The following COLGALT1 variants were observed in gnomAD, a reference collection of about 807,000 sequenced individuals.
COLGALT1 encodes collagen beta(1-O)galactosyltransferase 1.
COLGALT1 carries 43 observed loss-of-function variants against 60.8 expected under a neutral mutation model. That is an observed-to-expected ratio of 0.71 (90% CI 0.55 to 0.91). The LOEUF is 0.91. COLGALT1 is among the 40% of genes least tolerant of loss of function. The probability of loss-of-function intolerance (pLI) is 0.00; values close to 1 mark genes in which losing one functional copy is unlikely to be tolerated. For missense variants in COLGALT1, 845 were observed against 880.0 expected, an observed-to-expected ratio of 0.96 and a Z score of 0.50; for synonymous variants, 369 against 374.2, an observed-to-expected ratio of 0.99 and a Z score of 0.16.
rs944782088 is a variant in COLGALT1 at position 17,581,373 on chromosome 19, C to T, written c.1798C>T (p.Leu600=). The change falls in exon 12 of 12, where the codon CTG becomes TTG. Residue 600 remains leucine (L), a synonymous_variant. Coordinates refer to ENST00000252599, the MANE Select transcript of COLGALT1 (RefSeq NM_024656.4). ...CCAGAAGATGCGGGAGCAGCAGGCA[C>T]TGAGCCGTGAGGCCAAGAACTCGGA... is the stretch of plus-strand genomic sequence containing the variant. The part of the protein sequence containing the change: ...KSQKMREQQA[L]SREAKNSDVL... 3.1e-6 allele frequency: 5 copies of T among 1,613,114 alleles called. No homozygotes were observed. In the African/African-American group the frequency reaches 4.0e-5, roughly 13 times the overall value.
In COLGALT1 at chr19:17,555,984, C is replaced by A; in HGVS notation, c.260+11C>A. On this transcript the variant is annotated intron_variant, in intron 1 of 11. Transcript: ENST00000252599. ...GCGCACGGCGCTATGGTGAGTCGAG[C>A]CCGCTGTCCCCATCAGGCGGGTCAC... is the stretch of plus-strand genomic sequence containing the variant. 2.3e-6 allele frequency: 3 copies of A among 1,316,954 alleles called. No individual in the cohort carries two copies. The highest frequency in any genetic ancestry group is 2.9e-6 in the Non-Finnish European group (3 of 1,030,116). The allele number at this position is 1,316,954 out of a possible 1,614,324, so 81.6% of individuals were successfully genotyped here. A position where few individuals can be genotyped will look rare whatever the true frequency, so the allele number is the denominator to read the frequency against.
chr19:17,576,701 T>C (rs1416975037), intron 6 of COLGALT1, among the ~76,000 whole-genome samples: 2 of 119,434 alleles, frequency 1.7e-5, no homozygotes, highest in South Asian at 2.9e-4. Context: ...CAGGGTGAAG[T>C]TGGAGCCTGG....
Position 17,581,164 on chromosome 19 carries a change from C to T in COLGALT1, c.1602-13C>T. The T allele has an allele frequency of 1.2e-6, 2 of 1,602,632 alleles. No homozygotes were observed. Among genetic ancestry groups the T allele is most frequent in the Non-Finnish European group, 1.7e-6 (2 of 1,175,518 alleles). On this transcript the variant is annotated splice_polypyrimidine_tract_variant and intron_variant, in intron 11 of 11. Transcript: ENST00000252599. ...GCCATTGCTGCCCCTCACTCCCCTC[C>T]TCCTCCCCCCAGGTCCGAGTACAAG...
At chr19:17,571,563 C>T (rs2076312821) in intron 5 of COLGALT1, among the ~76,000 whole-genome samples, 1 of 151,620 alleles carries the variant, frequency 6.6e-6, no homozygotes, top group Admixed American at 6.6e-5. Context: ...AAAAAAAATA[C>T]AGAAATTAGC....
At chr19:17,558,000 C>T (rs1301788111) in intron 1 of COLGALT1, among the ~76,000 whole-genome samples, 5 of 152,044 alleles carry the variant, frequency 3.3e-5, no homozygotes, top group African/African-American at 4.8e-5. Flanking sequence ...TGCAGTGGCA[C>T]GATCTCGGCT....
At chr19:17,561,565 A>AT (rs1278420839) in intron 3 of COLGALT1, among the ~76,000 whole-genome samples, 1 of 119,376 alleles carries the variant, frequency 8.4e-6, no homozygotes, top group Non-Finnish European at 1.6e-5. Flanking sequence ...GAGTCTTTTT[A>AT]TTTTTTTCTC....
chr19:17,575,675 G>A (rs557207925), intron 6 of COLGALT1, among the ~76,000 whole-genome samples: 6 of 151,452 alleles, frequency 4.0e-5, no homozygotes, highest in South Asian at 2.1e-4. Context: ...CACTGTGCCC[G>A]GCCTTCTTTT....
chr19:17,556,845 C>A (rs916540095), intron 1 of COLGALT1, among the ~76,000 whole-genome samples: 2 of 152,086 alleles, frequency 1.3e-5, no homozygotes, highest in Non-Finnish European at 1.5e-5. Flanking sequence ...CCCAGGAGTT[C>A]GAGGCTGCAG....
At chr19:17,574,036 C>T (rs141948725) in intron 6 of COLGALT1, among the ~76,000 whole-genome samples, 3 of 152,004 alleles carry the variant, frequency 2.0e-5, no homozygotes, top group Admixed American at 6.6e-5. Context: ...AACCAGCAGC[C>T]GTCCCTCTAA....
intron 6 of COLGALT1, 115 bp downstream of exon 6, chr19:17,572,717 G>T: frequency 1.4e-6 from 2 of 1,472,480 alleles, no homozygotes; most frequent in Admixed American, 2.0e-5. Context: ...GTCCCTGTGG[G>T]GGGTGCTGGG....
intron 3 of COLGALT1, among the ~76,000 whole-genome samples, chr19:17,563,413 G>C (rs973241356): frequency 6.6e-6 from 1 of 151,530 alleles, no homozygotes; most frequent in African/African-American, 2.4e-5. Context: ...GCAGTGGTGC[G>C]ATCTCAGCTC....
intron 3 of COLGALT1, among the ~76,000 whole-genome samples, chr19:17,564,815 T>C (rs1204252739): frequency 1.3e-5 from 2 of 152,178 alleles, no homozygotes; most frequent in Non-Finnish European, 2.9e-5. Context: ...TTATTTGTTT[T>C]GCAACCACCA....
At chr19:17,572,670 G>A (rs753149004) in intron 6 of COLGALT1, 68 bp downstream of exon 6, 139 of 1,600,386 alleles carry the variant, frequency 8.7e-5, no homozygotes, top group Non-Finnish European at 1.1e-4. Context: ...TCTCAAATCC[G>A]TCCCATGAGC....
rs759308497 is a variant in COLGALT1, at chr19:17,568,621, C to T, written c.737C>T (p.Ala246Val). ...TTCCTGATCGACCTGCGGAAGGCGG[C>T]GTCCAGGAACCTGGCCTTCTACCCA... Reference protein sequence around the residue: ...STFLIDLRKAASRNLAFYPPH... With the variant: ...STFLIDLRKAVSRNLAFYPPH... The change falls in exon 5 of 12, where the codon GCG becomes GTG. Residue 246 changes from alanine (A) to valine (V), a missense_variant. Physicochemically the swap from Ala to Val is moderately conservative, Grantham distance 64 (BLOSUM62 0). Coordinates refer to ENST00000252599, the MANE Select transcript of COLGALT1 (RefSeq NM_024656.4). 12 of 1,614,210 alleles carry T rather than the reference C, an allele frequency of 7.4e-6. No individual in the cohort carries two copies. Among genetic ancestry groups the T allele is most frequent in the South Asian group, 3.3e-5 (3 of 91,088 alleles).
intron 1 of COLGALT1, chr19:17,556,425 C>A: frequency 2.2e-6 from 1 of 451,984 alleles, no homozygotes; most frequent in Non-Finnish European, 2.9e-6. Context: ...CCTTTCTGTG[C>A]CGGCTGCTGC....
intron 5 of COLGALT1, among the ~76,000 whole-genome samples, chr19:17,570,349 C>T (rs990771989): frequency 2.4e-4 from 36 of 152,128 alleles, no homozygotes; most frequent in African/African-American, 8.5e-4. Flanking sequence ...AAGCAATCCT[C>T]TCATCTCAGC....
intron 2 of COLGALT1, 109 bp from the exon 3 acceptor site, chr19:17,560,239 A>G: frequency 1.3e-6 from 1 of 757,864 alleles, no homozygotes; most frequent in Admixed American, 2.1e-5. Flanking sequence ...ATCAGCTTAC[A>G]CGTCCCCTCC....
chr19:17,565,592 C>T (rs1314378972), intron 3 of COLGALT1, among the ~76,000 whole-genome samples: 1 of 151,490 alleles, frequency 6.6e-6, no homozygotes, highest in African/African-American at 2.4e-5. Flanking sequence ...ATCATCTGAA[C>T]CTAGGAGGTG....
chr19:17,579,581 G>A lies in COLGALT1; in HGVS notation c.1366G>A (p.Glu456Lys), dbSNP rs745798315. ...TCTGATGAACCTCATGCGGGATGTG[G>A]AGCGGGAGGGCCTGGACTGGGACCT... The part of the protein sequence containing the change: ...RRLMNLMRDV[E>K]REGLDWDLIY... The change falls in exon 10 of 12, where the codon GAG becomes AAG. Residue 456 changes from glutamate to lysine, a missense_variant. Coordinates refer to ENST00000252599, the MANE Select transcript of COLGALT1 (RefSeq NM_024656.4). The A allele has an allele frequency of 5.8e-5, 94 of 1,613,636 alleles. No homozygotes were observed. Among genetic ancestry groups the A allele is most frequent in the South Asian group, 5.2e-4 (47 of 91,070 alleles).
Sources: gnomAD v4.1 joint callset for allele counts (sites outside exome capture counted in the v4.1 genomes callset) on GRCh38, gnomAD v4.1.1 for gene constraint, MANE v1.5 for transcripts, NCBI Gene and HGNC (gene_info 2026-07-23, HGNC 2026-07-21) for gene names.